Variants in ICA1L observed in about 807,000 individuals in gnomAD.
ICA1L encodes the protein islet cell autoantigen 1 like.
A neutral mutation model predicts 61.3 loss-of-function variants in ICA1L; 50 were observed. The observed-to-expected ratio is 0.82, with a 90% CI of 0.65 to 1.03. The LOEUF (loss-of-function observed/expected upper bound fraction) is 1.03, where lower values mean the gene tolerates loss of function less well. ICA1L is among the 50% of genes least tolerant of loss of function. ICA1L has a pLI of 0.00. For missense variants in ICA1L, 508 were observed against 556.7 expected (o/e 0.91, Z 0.88); for synonymous variants, 161 against 191.3 (o/e 0.84, Z 1.31).
intron 1 of ICA1L, chr2:202,841,397 C>G: frequency 1.8e-6 from 2 of 1,119,546 alleles, no homozygotes; most frequent in South Asian, 2.5e-5. Flanking sequence ...CCATCTTCTG[C>G]TGCTGCAGGA....
chr2:202,786,466 G>A (rs914820286), intron 11 of ICA1L, among the ~76,000 whole-genome samples: 7 of 151,962 alleles, frequency 4.6e-5, no homozygotes, highest in Admixed American at 2.0e-4. Flanking sequence ...GGAGAATGGC[G>A]TGAACCCGGG....
intron 1 of ICA1L, chr2:202,871,407 G>A (rs966376835): frequency 6.6e-6 from 1 of 152,152 alleles, no homozygotes; most frequent in African/African-American, 2.4e-5. Flanking sequence ...GCAGGGCCTC[G>A]CCTGGAAGAA....
intron 9 of ICA1L, among the ~76,000 whole-genome samples, chr2:202,802,547 CTG>C (rs1693110673): frequency 6.6e-6 from 1 of 151,882 alleles, no homozygotes; most frequent in Non-Finnish European, 1.5e-5. Flanking sequence ...TTTAGACACA[CTG>C]TACTGAAAGA....
chr2:202,782,551 G>C (rs1332646227), intron 12 of ICA1L, among the ~76,000 whole-genome samples: 1 of 151,806 alleles, frequency 6.6e-6, no homozygotes, highest in Non-Finnish European at 1.5e-5. Context: ...TGGGACTACA[G>C]GCGTGTGCCA....
At position 202,778,594 on chromosome 2, in the gene ICA1L, AT is replaced by A. The variant is rs1692297173; in HGVS notation, c.*938del. On this transcript the variant is annotated 3_prime_UTR_variant, in exon 13 of 13. Coordinates refer to ENST00000358299, the MANE Select transcript of ICA1L (RefSeq NM_001288622.3). ...AAATATATGTAAGGATAAGGTGTTC[AT>A]AAGTGTCTCCCTCATTCAGATAGAA... 1 of 152,374 alleles carries A rather than the reference AT, an allele frequency of 6.6e-6. No individual in the cohort carries two copies. The highest frequency in any genetic ancestry group is 2.4e-5 in the African/African-American group (1 of 41,470). The allele number at this position is 152,374 out of a possible 1,614,324, so 9.4% of individuals were successfully genotyped here.
At chr2:202,795,834 G>A (rs1432861566) in intron 10 of ICA1L, among the ~76,000 whole-genome samples, 1 of 151,984 alleles carries the variant, frequency 6.6e-6, no homozygotes, top group East Asian at 2.0e-4. Context: ...CTTGAGGCCA[G>A]GAATTCGAGG....
rs180939445 is a variant in ICA1L, at chr2:202,788,900, G to C, written c.1173C>G (p.Leu391=). 1.2e-6 allele frequency: 2 copies of C among 1,613,864 alleles called. No homozygotes were observed. Among genetic ancestry groups the C allele is most frequent in the Admixed American group, 1.7e-5 (1 of 60,000 alleles). Reference sequence around the variant, plus strand: ...AAGGAAGGAATCGAGAAGAATGAGCGAGGGGCTCAGACCCCATGGAAGGCT... The same window carrying C: ...AAGGAAGGAATCGAGAAGAATGAGCCAGGGGCTCAGACCCCATGGAAGGCT... ...SQEPSMGSEP[L]AHSSRFLPSQ... The change falls in exon 11 of 13, where the codon CTC becomes CTG. Residue 391 remains leucine (L), a synonymous_variant. Coordinates refer to ENST00000358299, the MANE Select transcript of ICA1L (RefSeq NM_001288622.3).
In ICA1L at chr2:202,779,262, T is replaced by C. The variant is rs1692319605; in HGVS notation, c.*271A>G. 1 of 330,936 alleles carries C rather than the reference T, an allele frequency of 3.0e-6. No homozygotes were observed. The highest frequency in any genetic ancestry group is 5.4e-6 in the Non-Finnish European group (1 of 184,212). The allele number at this position is 330,936 out of a possible 1,614,324, so 20.5% of individuals were successfully genotyped here. On this transcript the variant is annotated 3_prime_UTR_variant, in exon 13 of 13. Coordinates refer to ENST00000358299, the MANE Select transcript of ICA1L (RefSeq NM_001288622.3). ...CGTTATTTTGACATAAATTTCAGTA[T>C]CTAAATATCGCAAACTCTGTAGTTT...
Position 202,869,552 on chromosome 2 carries a change from G to A in ICA1L, c.-8+2067C>T, listed in dbSNP as rs551071623. The stretch of plus-strand genomic sequence containing the variant: ...GTTGAGTACCTGATAACGGATGGGT[G>A]GGATGAGACTTCAGCTTTATTGGAA... On this transcript the variant is annotated intron_variant, in intron 1 of 12. Transcript: ENST00000358299. 13 of 152,112 alleles carry A rather than the reference G, an allele frequency of 8.5e-5. No homozygotes were observed. The South Asian group carries it at 1.2e-3, about 15-fold the overall frequency. The allele number at this position is 152,112 out of a possible 1,614,324, so 9.4% of individuals were successfully genotyped here. A position where few individuals can be genotyped will look rare whatever the true frequency, so the allele number is the denominator to read the frequency against.
intron 1 of ICA1L, among the ~76,000 whole-genome samples, chr2:202,867,909 C>A (rs1273146702): frequency 6.6e-6 from 1 of 152,148 alleles, no homozygotes; most frequent in Non-Finnish European, 1.5e-5. Flanking sequence ...AATGTTCTTG[C>A]CAGCTTTATT....
intron 8 of ICA1L, among the ~76,000 whole-genome samples, chr2:202,812,264 T>C (rs557719831): frequency 6.6e-6 from 1 of 152,262 alleles, no homozygotes; most frequent in East Asian, 1.9e-4. Flanking sequence ...ATCTATCTGA[T>C]ATAATAGACA....
chr2:202,825,633 T>G, intron 3 of ICA1L, 62 bp downstream of exon 3: 2 of 1,348,276 alleles, frequency 1.5e-6, no homozygotes, highest in Non-Finnish European at 2.0e-6. Context: ...ATCTTTCATT[T>G]TAAAAAATGC....
At chr2:202,839,853 T>C (rs1402420174) in intron 1 of ICA1L, among the ~76,000 whole-genome samples, 6 of 152,024 alleles carry the variant, frequency 3.9e-5, no homozygotes, top group Admixed American at 3.3e-4. Context: ...ATCTTTCGTT[T>C]ATCCACTATA....
intron 10 of ICA1L, among the ~76,000 whole-genome samples, chr2:202,793,033 G>T (rs999524190): frequency 6.6e-6 from 1 of 152,080 alleles, no homozygotes; most frequent in Non-Finnish European, 1.5e-5. Context: ...AGAATTTGGG[G>T]GGTAATGGAA....
chr2:202,818,590 T>G (rs1366332921), intron 5 of ICA1L, among the ~76,000 whole-genome samples: 1 of 152,162 alleles, frequency 6.6e-6, no homozygotes, highest in African/African-American at 2.4e-5. Context: ...CAGTGAGAGA[T>G]AACTGAATCA....
In ICA1L at chr2:202,825,685, G is replaced by T. The variant is rs1359445345; in HGVS notation, c.235+10C>A. On this transcript the variant is annotated intron_variant, in intron 3 of 12. Coordinates refer to ENST00000358299, the MANE Select transcript of ICA1L (RefSeq NM_001288622.3). The stretch of plus-strand genomic sequence containing the variant: ...TGGGGATTATCAGATAGATAACTAT[G>T]ATTTCATACCATTGAGTCTTAGCTG... 3.5e-6 allele frequency: 5 copies of T among 1,431,352 alleles called. No homozygotes were observed. The highest frequency in any genetic ancestry group is 2.4e-5 in the South Asian group (2 of 83,490). 88.7% of individuals were successfully genotyped at this position (1,431,352 alleles called of 1,614,324 possible).
chr2:202,824,310 G>T (rs1464226071), intron 3 of ICA1L, among the ~76,000 whole-genome samples: 2 of 151,976 alleles, frequency 1.3e-5, no homozygotes, highest in African/African-American at 4.8e-5. Context: ...CTGAGGCAGA[G>T]AATTGCTTGA....
intron 1 of ICA1L, 92 bp from the exon 2 acceptor site, chr2:202,829,108 G>C: frequency 9.8e-7 from 1 of 1,019,428 alleles, no homozygotes; most frequent in Middle Eastern, 2.3e-4. Context: ...CACAACTTTG[G>C]GAGGCTGAGG....
chr2:202,856,782 G>T (rs1448874948), intron 1 of ICA1L, among the ~76,000 whole-genome samples: 1 of 152,182 alleles, frequency 6.6e-6, no homozygotes, highest in African/African-American at 2.4e-5. Context: ...CTTCAGCAAA[G>T]TCTCAGCATA....
Sources: allele counts gnomAD v4.1 joint callset (sites outside exome capture counted in the v4.1 genomes callset), GRCh38; gene constraint gnomAD v4.1.1; transcripts MANE v1.5; gene names NCBI Gene and HGNC (gene_info 2026-07-23, HGNC 2026-07-21).